The following EZH1 variants were observed in gnomAD, a reference collection of about 807,000 sequenced individuals.
EZH1 encodes histone-lysine N-methyltransferase EZH1.
In EZH1, 33 loss-of-function variants were observed where a neutral mutation model predicts 100.5. The ratio of observed to expected loss-of-function variants is 0.33; its 90% confidence interval spans 0.25 to 0.44. The LOEUF (loss-of-function observed/expected upper bound fraction) is 0.44. Ranked by LOEUF, EZH1 falls within the 20% of genes least tolerant of loss-of-function variation. The pLI is 1.00. For synonymous variants in EZH1, 272 were observed against 313.8 expected (o/e 0.87, Z 1.41); for missense variants, 475 against 928.4 (o/e 0.51, Z 6.35).
intron 10 of EZH1, among the ~76,000 whole-genome samples, chr17:42,716,928 C>T (rs1003924419): frequency 6.6e-6 from 1 of 152,062 alleles, no homozygotes; most frequent in Admixed American, 6.6e-5. Context: ...AAACTCCTGA[C>T]CTCAGGTGAT....
At chr17:42,715,013 A>ATATATATAATTTATGTAAATATAATT (rs2053570023) in intron 10 of EZH1, among the ~76,000 whole-genome samples, 1 of 139,528 alleles carries the variant, frequency 7.2e-6, no homozygotes, top group Non-Finnish European at 1.5e-5. Flanking sequence ...TAAATATAAA[A>ATATATATAATTTATGTAAATATAATT]TATATATAAT....
In EZH1 at chr17:42,702,858, A is replaced by T. The variant is rs1400929826; in HGVS notation, c.2183+19T>A. 1.2e-6 allele frequency: 2 copies of T among 1,612,194 alleles called. No homozygotes were observed. Reference sequence around the variant, plus strand: ...CCAATTCCTGGGCCACATCCCAAGGACCATTACTGGCACCTCACCTGTAAT... The same window carrying T: ...CCAATTCCTGGGCCACATCCCAAGGTCCATTACTGGCACCTCACCTGTAAT... On this transcript the variant is annotated intron_variant, in intron 20 of 20. Coordinates refer to ENST00000428826, the MANE Select transcript of EZH1 (RefSeq NM_001991.5).
At chr17:42,723,784 C>T (rs1161729535) in intron 5 of EZH1, among the ~76,000 whole-genome samples, 4 of 152,182 alleles carry the variant, frequency 2.6e-5, no homozygotes, top group African/African-American at 9.7e-5. Context: ...TGTCACCAGG[C>T]AGATGATAAG....
At chr17:42,743,091 A>T (rs1472633994) in intron 1 of EZH1, among the ~76,000 whole-genome samples, 1 of 149,838 alleles carries the variant, frequency 6.7e-6, no homozygotes, top group Non-Finnish European at 1.5e-5. Flanking sequence ...CAGCTCTCGG[A>T]CTCTTGACCT....
intron 10 of EZH1, chr17:42,714,456 G>A (rs561989904): frequency 7.4e-5 from 23 of 311,158 alleles, no homozygotes; most frequent in Admixed American, 3.1e-4. Flanking sequence ...AGCAGACTTC[G>A]GGGGGTTTGT....
Position 42,720,302 on chromosome 17 carries a change from G to A in EZH1, c.635C>T (p.Thr212Ile). The A allele has an allele frequency of 6.2e-7, 1 of 1,613,772 alleles. No individual in the cohort carries two copies. The highest frequency in any genetic ancestry group is 2.2e-5 in the East Asian group (1 of 44,850). The part of the protein sequence containing the change: ...QDDSKEDLPV[T>I]RKRKRHAIEG... ...AATAGCATGTCGCTTTCTCTTTCTT[G>A]TTACTGGCAGATCTTCTTTGCTGTC... The change falls in exon 7 of 21, where the codon ACA (threonine) becomes ATA (isoleucine). Residue 212 changes from threonine (T) to isoleucine (I), a missense_variant. Coordinates refer to ENST00000428826, the MANE Select transcript of EZH1 (RefSeq NM_001991.5).
Position 42,708,861 on chromosome 17 carries a change from C to T in EZH1, c.1534+15G>A, listed in dbSNP as rs758704398. ...CTCCAGCTGAACTGCTGAAGAATGC[C>T]CTGGTAGAACTTACCTTTCTTCAGC... On this transcript the variant is annotated intron_variant, in intron 14 of 20. Coordinates refer to ENST00000428826, the MANE Select transcript of EZH1 (RefSeq NM_001991.5). The T allele has an allele frequency of 1.7e-5, 27 of 1,613,906 alleles. No homozygotes were observed. In the East Asian group the frequency reaches 5.1e-4, roughly 31 times the overall value.
chr17:42,733,434 G>A (rs543124472), intron 1 of EZH1, among the ~76,000 whole-genome samples: 67 of 151,886 alleles, frequency 4.4e-4, no homozygotes, highest in Non-Finnish European at 8.8e-4. Flanking sequence ...GAGGTCAGGA[G>A]ATCGAGACCA....
chr17:42,724,628 A>T, intron 4 of EZH1: 1 of 457,100 alleles, frequency 2.2e-6, no homozygotes, highest in Non-Finnish European at 4.0e-6. Context: ...CAAAAACATA[A>T]TACAAAAATT....
chr17:42,743,065 C>T (rs1308517475), intron 1 of EZH1, among the ~76,000 whole-genome samples: 4 of 151,974 alleles, frequency 2.6e-5, no homozygotes, highest in Admixed American at 6.6e-5. Flanking sequence ...GAAGGAGTTT[C>T]GCCATGTTGC....
chr17:42,741,055 T>TC (rs1649672145), intron 1 of EZH1, among the ~76,000 whole-genome samples: 1 of 152,172 alleles, frequency 6.6e-6, no homozygotes, highest in African/African-American at 2.4e-5. Flanking sequence ...CTTTAACCCT[T>TC]CCCCTCAATC....
intron 13 of EZH1, 87 bp from the exon 14 acceptor site, chr17:42,709,003 G>A (rs1597827343): frequency 7.4e-6 from 11 of 1,494,424 alleles, no homozygotes; most frequent in Non-Finnish European, 1.0e-5. Flanking sequence ...TTGCTCTGAG[G>A]GACTGTGTTT....
At chr17:42,720,747 C>A (rs966875084) in intron 6 of EZH1, among the ~76,000 whole-genome samples, 1 of 152,170 alleles carries the variant, frequency 6.6e-6, no homozygotes, top group Non-Finnish European at 1.5e-5. Flanking sequence ...GCAACCTCCA[C>A]CTCCCAGGTT....
chr17:42,702,456 C>T lies in EZH1; in HGVS notation c.*76G>A, dbSNP rs1597818263. On this transcript the variant is annotated 3_prime_UTR_variant, in exon 21 of 21. Transcript: ENST00000428826. ...AGTGTGGGAGACACAGTGCAGGAGA[C>T]TCGAGCAGCAGTGGTGTGAGCACGA... is the stretch of plus-strand genomic sequence containing the variant. 9 of 1,261,654 alleles carry T rather than the reference C, an allele frequency of 7.1e-6. No homozygotes were observed. The highest frequency in any genetic ancestry group is 5.4e-5 in the South Asian group (4 of 73,526). The allele number at this position is 1,261,654 out of a possible 1,614,324, so 78.2% of individuals were successfully genotyped here. A position where few individuals can be genotyped will look rare whatever the true frequency, so the allele number is the denominator to read the frequency against.
intron 19 of EZH1, 169 bp from the exon 20 acceptor site, chr17:42,703,130 C>T (rs2053278704): frequency 4.9e-6 from 3 of 609,862 alleles, no homozygotes; most frequent in Non-Finnish European, 8.7e-6. Context: ...GTTATTATGG[C>T]AGAAAAATTA....
At position 42,702,236 on chromosome 17, in the gene EZH1, A is replaced by G. The variant is rs58857209; in HGVS notation, c.*296T>C. 8.1e-4 allele frequency: 273 copies of G among 337,848 alleles called. 2 individuals are homozygous for G. The highest frequency in any genetic ancestry group is 4.5e-3 in the African/African-American group (215 of 48,184). The allele number at this position is 337,848 out of a possible 1,614,324, so 20.9% of individuals were successfully genotyped here. A position where few individuals can be genotyped will look rare whatever the true frequency, so the allele number is the denominator to read the frequency against. ...CCACAGCCTGGGGAGCCGACACGAA[A>G]TCACGCATAAGTCATCCACCCCAGC... On this transcript the variant is annotated 3_prime_UTR_variant, in exon 21 of 21. Coordinates refer to ENST00000428826, the MANE Select transcript of EZH1 (RefSeq NM_001991.5).
intron 1 of EZH1, among the ~76,000 whole-genome samples, chr17:42,734,035 A>G (rs2054014198): frequency 6.7e-6 from 1 of 149,988 alleles, no homozygotes; most frequent in South Asian, 2.1e-4. Context: ...TCATGATTAT[A>G]TCTCATGCAC....
At chr17:42,717,358 G>C (rs895264933) in intron 10 of EZH1, among the ~76,000 whole-genome samples, 90 of 152,264 alleles carry the variant, frequency 5.9e-4, no homozygotes, top group African/African-American at 2.2e-3. Context: ...GCACTTGGCT[G>C]GTTGTATAAT....
chr17:42,733,823 C>T (rs1481234728), intron 1 of EZH1, among the ~76,000 whole-genome samples: 1 of 150,846 alleles, frequency 6.6e-6, no homozygotes, highest in Non-Finnish European at 1.5e-5. Context: ...TGCCTGTATT[C>T]CCAGTTACTT....
Sources: allele counts gnomAD v4.1 joint callset (sites outside exome capture counted in the v4.1 genomes callset), GRCh38; gene constraint gnomAD v4.1.1; transcripts MANE v1.5; gene names NCBI Gene and HGNC (gene_info 2026-07-23, HGNC 2026-07-21).